RFFL: variants seen among roughly 807,000 people sequenced by gnomAD.
RFFL encodes ring finger and FYVE like domain containing E3 ubiquitin protein ligase, also known as E3 ubiquitin-protein ligase rififylin.
In RFFL, 16 loss-of-function variants were observed where a neutral mutation model predicts 40.4. That is an observed-to-expected ratio of 0.40 (90% CI 0.27 to 0.60). RFFL has a LOEUF of 0.60. Ranked by LOEUF, RFFL falls within the 20% of genes least tolerant of loss-of-function variation. RFFL has a pLI of 0.47. For missense variants in RFFL, 367 were observed against 451.7 expected (o/e 0.81, Z 1.70); for synonymous variants, 154 against 167.9 (o/e 0.92, Z 0.64).
At chr17:35,031,279 G>GT (rs1164488883) in intron 1 of RFFL, among the ~76,000 whole-genome samples, 1 of 151,804 alleles carries the variant, frequency 6.6e-6, no homozygotes, top group Non-Finnish European at 1.5e-5. Flanking sequence ...GCTAATTTTT[G>GT]TATTTTTAGT....
At chr17:35,055,712 A>T (rs920343257) in intron 1 of RFFL, among the ~76,000 whole-genome samples, 2 of 151,848 alleles carry the variant, frequency 1.3e-5, no homozygotes, top group African/African-American at 4.8e-5. Flanking sequence ...AAAAAACATT[A>T]ATCAGGCTGG....
At chr17:35,084,249 T>C (rs976896917) in intron 1 of RFFL, among the ~76,000 whole-genome samples, 2 of 151,210 alleles carry the variant, frequency 1.3e-5, no homozygotes, top group Non-Finnish European at 3.0e-5. Flanking sequence ...AATAAATAAA[T>C]AAAAACCACT....
intron 1 of RFFL, among the ~76,000 whole-genome samples, chr17:35,049,932 A>G (rs367822527): frequency 6.6e-6 from 1 of 152,070 alleles, no homozygotes; most frequent in Non-Finnish European, 1.5e-5. Flanking sequence ...AAATACAAAA[A>G]TTAGCCAGGC....
intron 1 of RFFL, among the ~76,000 whole-genome samples, chr17:35,056,055 G>A (rs746065044): frequency 5.3e-5 from 8 of 152,064 alleles, no homozygotes; most frequent in Non-Finnish European, 1.0e-4. Context: ...CTCCTCAGGA[G>A]GACGGATTTG....
intron 1 of RFFL, among the ~76,000 whole-genome samples, chr17:35,053,921 C>G (rs1182379124): frequency 2.6e-5 from 4 of 152,158 alleles, no homozygotes; most frequent in African/African-American, 9.7e-5. Flanking sequence ...CCATTCTGAG[C>G]TCAATCACTC....
chr17:35,072,956 T>G (rs2091358430), intron 1 of RFFL, among the ~76,000 whole-genome samples: 1 of 150,912 alleles, frequency 6.6e-6, no homozygotes, highest in African/African-American at 2.4e-5. Flanking sequence ...GGCAGGAGAA[T>G]CACTTGAACC....
chr17:35,019,899 T>C (rs1044900760), intron 3 of RFFL, among the ~76,000 whole-genome samples: 7 of 152,198 alleles, frequency 4.6e-5, no homozygotes, highest in Admixed American at 3.9e-4. Context: ...TAAATTATGC[T>C]ATCACATTGG....
Position 35,011,352 on chromosome 17 carries a change from T to A in RFFL, c.*616A>T, listed in dbSNP as rs2142310596. ...AAGTGGCTTTTAACAACTTTGAAAT[T>A]TTTCTATAGCATTTGTATTTCATTT... is the stretch of plus-strand genomic sequence containing the variant. On this transcript the variant is annotated 3_prime_UTR_variant, in exon 7 of 7. Transcript: ENST00000394597. The A allele has an allele frequency of 6.6e-6, 1 of 152,322 alleles. No homozygotes were observed. The highest frequency in any genetic ancestry group is 2.1e-4 in the South Asian group (1 of 4,826). 9.4% of individuals were successfully genotyped at this position (152,322 alleles called of 1,614,324 possible). A position where few individuals can be genotyped will look rare whatever the true frequency, so the allele number is the denominator to read the frequency against.
chr17:35,051,520 TA>T (rs1196107470), intron 1 of RFFL, among the ~76,000 whole-genome samples: 1 of 152,226 alleles, frequency 6.6e-6, no homozygotes, highest in African/African-American at 2.4e-5. Context: ...ATGAGTCAGG[TA>T]AAAGATTCAC....
intron 2 of RFFL, 86 bp downstream of exon 2, chr17:35,026,288 G>T: frequency 1.5e-6 from 2 of 1,315,268 alleles, no homozygotes; most frequent in South Asian, 1.4e-5. Flanking sequence ...GGAAAGGAAA[G>T]GTTGCAGGCA....
chr17:35,028,690 C>A (rs114777831), intron 1 of RFFL, among the ~76,000 whole-genome samples: 3,455 of 152,116 alleles, frequency 0.023, 160 homozygotes, highest in African/African-American at 0.079. Context: ...TTAACAAGGG[C>A]ACTTTCATAA....
intron 1 of RFFL, among the ~76,000 whole-genome samples, chr17:35,035,448 C>A (rs1452843384): frequency 4.0e-5 from 6 of 151,428 alleles, no homozygotes. Context: ...ACCCCACAGT[C>A]TCCAAGTTTA....
At chr17:35,056,126 G>A (rs572640100) in intron 1 of RFFL, among the ~76,000 whole-genome samples, 1 of 152,064 alleles carries the variant, frequency 6.6e-6, no homozygotes, top group African/African-American at 2.4e-5. Flanking sequence ...CCAGGTCTTG[G>A]GTATTGACTT....
At position 35,016,528 on chromosome 17, in the gene RFFL, T is replaced by C; in HGVS notation, c.728A>G (p.Asp243Gly). ...FVPGRRASLS[D>G]LTDLEDIEGL... Reference sequence around the variant, plus strand: ...TTCAATGTCCTCCAGGTCAGTCAGGTCAGACAGAGAGGCCCTTCGGCCTGG... The same window carrying C: ...TTCAATGTCCTCCAGGTCAGTCAGGCCAGACAGAGAGGCCCTTCGGCCTGG... The change falls in exon 5 of 7, where the codon GAC becomes GGC. Residue 243 changes from aspartate to glycine, a missense_variant. Coordinates refer to ENST00000394597, the MANE Select transcript of RFFL (RefSeq NM_001017368.2). The C allele has an allele frequency of 6.2e-7, 1 of 1,614,156 alleles. No individual in the cohort carries two copies. The highest frequency in any genetic ancestry group is 8.5e-7 in the Non-Finnish European group (1 of 1,180,006).
intron 3 of RFFL, among the ~76,000 whole-genome samples, chr17:35,018,222 C>T (rs1311951122): frequency 6.6e-6 from 1 of 152,154 alleles, no homozygotes; most frequent in Admixed American, 6.5e-5. Flanking sequence ...AATGTGCTCC[C>T]CATGTTGAGC....
At chr17:35,046,172 CAAAAG>C (rs2091199285) in intron 1 of RFFL, among the ~76,000 whole-genome samples, 1 of 151,644 alleles carries the variant, frequency 6.6e-6, no homozygotes, top group East Asian at 1.9e-4. Flanking sequence ...ACTTGAAAAA[CAAAAG>C]AAAAGAAAAA....
In RFFL at chr17:35,009,807, G is replaced by C. The variant is rs2090924400; in HGVS notation, c.*2161C>G. ...GCAGAGAAAGCAGGTTGTAAGTAGA[G>C]AGCCAGCTTCTGCCCTTAAGTTACT... On this transcript the variant is annotated 3_prime_UTR_variant, in exon 7 of 7. Coordinates refer to ENST00000394597, the MANE Select transcript of RFFL (RefSeq NM_001017368.2). The C allele has an allele frequency of 6.6e-6, 1 of 152,646 alleles. No individual in the cohort carries two copies. Among genetic ancestry groups the C allele is most frequent in the Non-Finnish European group, 1.5e-5 (1 of 68,048 alleles). 9.5% of individuals were successfully genotyped at this position (152,646 alleles called of 1,614,324 possible). A position where few individuals can be genotyped will look rare whatever the true frequency, so the allele number is the denominator to read the frequency against.
chr17:35,017,311 G>A (rs532274330), intron 4 of RFFL, among the ~76,000 whole-genome samples: 170 of 152,148 alleles, frequency 1.1e-3, no homozygotes, highest in Middle Eastern at 3.4e-3. Flanking sequence ...AGGCTTCTCC[G>A]TCTCCACTGT....
At chr17:35,047,913 G>A (rs1348358125) in intron 1 of RFFL, among the ~76,000 whole-genome samples, 3 of 151,758 alleles carry the variant, frequency 2.0e-5, no homozygotes, top group Non-Finnish European at 4.4e-5. Context: ...CACCATGCCC[G>A]GCTAATTTTT....
Sources: gnomAD v4.1 joint callset for allele counts (sites outside exome capture counted in the v4.1 genomes callset) on GRCh38, gnomAD v4.1.1 for gene constraint, MANE v1.5 for transcripts, NCBI Gene and HGNC (gene_info 2026-07-23, HGNC 2026-07-21) for gene names.